Variants in NDUFA13 observed in about 807,000 individuals in gnomAD.
NDUFA13 encodes NADH:ubiquinone oxidoreductase subunit A13.
Under a neutral mutation model 17.0 loss-of-function variants are expected in NDUFA13, and 16 were observed. That is an observed-to-expected ratio of 0.94 (90% CI 0.64 to 1.43). NDUFA13 has a LOEUF of 1.43. NDUFA13 is among the 40% of genes most tolerant of loss of function. The pLI is 0.00. For synonymous variants in NDUFA13, 87 were observed against 78.4 expected (o/e 1.11, Z -0.58); for missense variants, 228 against 206.7 (o/e 1.10, Z -0.63).
At chr19:19,524,424 C>T (rs572473130) in intron 1 of NDUFA13, among the ~76,000 whole-genome samples, 11 of 152,294 alleles carry the variant, frequency 7.2e-5, no homozygotes, top group East Asian at 1.9e-4. Flanking sequence ...CGTATGAGTG[C>T]GCAGGTGTGA....
rs768392940 is a variant in NDUFA13 at position 19,516,335 on chromosome 19, C to A, written c.94+3C>A. 1 of 1,613,264 alleles carries A rather than the reference C, an allele frequency of 6.2e-7. No individual in the cohort carries two copies. Among genetic ancestry groups the A allele is most frequent in the African/African-American group, 1.3e-5 (1 of 75,022 alleles). On this transcript the variant is annotated splice_donor_region_variant and intron_variant, in intron 1 of 4. Coordinates refer to ENST00000507754, the MANE Select transcript of NDUFA13 (RefSeq NM_015965.7). Reference sequence around the variant, plus strand: ...CTTGCCGCGTCGAGGACTGTCGGGTCAGTATCACTCTGCGCCGGGGTCTCA... The same window carrying A: ...CTTGCCGCGTCGAGGACTGTCGGGTAAGTATCACTCTGCGCCGGGGTCTCA...
At chr19:19,519,587 G>A (rs1383016497) in intron 1 of NDUFA13, among the ~76,000 whole-genome samples, 1 of 152,220 alleles carries the variant, frequency 6.6e-6, no homozygotes, top group African/African-American at 2.4e-5. Flanking sequence ...TGAGCACATG[G>A]TTCCGGGCCC....
intron 1 of NDUFA13, among the ~76,000 whole-genome samples, chr19:19,524,772 C>CAACAGCCCAGCCAGTG (rs2061093154): frequency 6.6e-6 from 1 of 151,978 alleles, no homozygotes; most frequent in Non-Finnish European, 1.5e-5. Flanking sequence ...TGCCACTGCA[C>CAACAGCCCAGCCAGTG]CCCAGCCAGG....
chr19:19,516,945 G>T (rs1194368891), intron 1 of NDUFA13, among the ~76,000 whole-genome samples: 3 of 151,866 alleles, frequency 2.0e-5, no homozygotes, highest in Non-Finnish European at 4.4e-5. Flanking sequence ...GTGCCACAAC[G>T]CCTGGCTAAC....
chr19:19,517,061 AC>A (rs2061052878), intron 1 of NDUFA13, among the ~76,000 whole-genome samples: 1 of 152,178 alleles, frequency 6.6e-6, no homozygotes, highest in African/African-American at 2.4e-5. Flanking sequence ...TGCTGGGATT[AC>A]AGGCGTGAGC....
At chr19:19,516,725 C>A (rs1439153082) in intron 1 of NDUFA13, among the ~76,000 whole-genome samples, 1 of 152,234 alleles carries the variant, frequency 6.6e-6, no homozygotes, top group Non-Finnish European at 1.5e-5. Flanking sequence ...ATGTTCTATG[C>A]AGTGGTTCCC....
intron 1 of NDUFA13, among the ~76,000 whole-genome samples, chr19:19,522,080 G>A (rs2061080563): frequency 6.6e-6 from 1 of 152,010 alleles, no homozygotes. Flanking sequence ...AGAGGCAGGT[G>A]GATCACTTGA....
At chr19:19,526,296 C>A in intron 2 of NDUFA13, 36 bp downstream of exon 2, 1 of 1,609,406 alleles carries the variant, frequency 6.2e-7, no homozygotes, top group East Asian at 2.2e-5. Context: ...GAAAGTGCCC[C>A]CCCGGCGAGT....
intron 1 of NDUFA13, among the ~76,000 whole-genome samples, chr19:19,523,192 C>G (rs1182099665): frequency 6.6e-6 from 1 of 152,250 alleles, no homozygotes; most frequent in Non-Finnish European, 1.5e-5. Flanking sequence ...ATGGGGATTG[C>G]GTTTCAAATC....
At chr19:19,526,850 A>G (rs2061101860) in intron 2 of NDUFA13, 1 of 292,314 alleles carries the variant, frequency 3.4e-6, no homozygotes, top group Middle Eastern at 1.3e-3. Context: ...AAACTGCCAG[A>G]AAGCAGGGAG....
In NDUFA13 at chr19:19,527,612, G is replaced by T. The variant is rs1305485230; in HGVS notation, c.246-89G>T. The T allele has an allele frequency of 9.0e-6, 10 of 1,109,536 alleles. 1 individual carries two copies. The East Asian group carries it at 2.6e-4, about 29-fold the overall frequency. 68.7% of individuals were successfully genotyped at this position (1,109,536 alleles called of 1,614,324 possible). A position where few individuals can be genotyped will look rare whatever the true frequency, so the allele number is the denominator to read the frequency against. ...GGGGAAAAGGAGACAGGGTCGGAGG[G>T]AGGCTTGAAGGGGTGCTACTAGGGG... On this transcript the variant is annotated intron_variant, in intron 3 of 4. Coordinates refer to ENST00000507754, the MANE Select transcript of NDUFA13 (RefSeq NM_015965.7).
Position 19,527,590 on chromosome 19 carries a change from GA to G in NDUFA13, c.246-107del. On this transcript the variant is annotated intron_variant, in intron 3 of 4. Transcript: ENST00000507754. The stretch of plus-strand genomic sequence containing the variant: ...GAGAAAAGCTAGGAGTTGGCTGGGG[GA>G]AAAGGAGACAGGGTCGGAGGGAGGC... 5.9e-6 allele frequency: 6 copies of G among 1,012,386 alleles called. 1 individual carries two copies. Among genetic ancestry groups the G allele is most frequent in the African/African-American group, 1.6e-5 (1 of 62,404 alleles). 62.7% of individuals were successfully genotyped at this position (1,012,386 alleles called of 1,614,324 possible).
intron 2 of NDUFA13, 32 bp downstream of exon 2, chr19:19,526,292 G>C: frequency 6.2e-7 from 1 of 1,610,734 alleles, no homozygotes; most frequent in Non-Finnish European, 8.5e-7. Flanking sequence ...GTCTGAAAGT[G>C]CCCCCCCGGC....
rs71170693 is a variant in NDUFA13, at chr19:19,519,045, A to AT, written c.94+2730dup. 6.0e-3 allele frequency among the ~76,000 whole-genome samples: 684 copies of AT among 114,856 alleles called. 9 individuals are homozygous for AT. The highest frequency in any genetic ancestry group is 0.034 in the Middle Eastern group (7 of 208). 75.3% of individuals were successfully genotyped at this position (114,856 alleles called of 152,430 possible). A position where few individuals can be genotyped will look rare whatever the true frequency, so the allele number is the denominator to read the frequency against. On this transcript the variant is annotated intron_variant, in intron 1 of 4. Coordinates refer to ENST00000507754, the MANE Select transcript of NDUFA13 (RefSeq NM_015965.7). Reference sequence around the variant, plus strand: ...AGGTGTGAGCCACTGGGCCCGGCCTATTTTTTTTTTTTTTTTTGTATTTTT... The same window carrying AT: ...AGGTGTGAGCCACTGGGCCCGGCCTATTTTTTTTTTTTTTTTTTGTATTTTT...
intron 4 of NDUFA13, 79 bp from the exon 5 acceptor site, chr19:19,527,927 GC>G (rs1568360845): frequency 6.4e-6 from 10 of 1,556,180 alleles, no homozygotes; most frequent in Non-Finnish European, 7.9e-6. Context: ...ACGCACAGGG[GC>G]CACTGATCCT....
chr19:19,526,192 G>A lies in NDUFA13; in HGVS notation c.105G>A (p.Met35Ile), dbSNP rs1441396602. 6.2e-7 allele frequency: 1 copy of A among 1,613,928 alleles called. No homozygotes were observed. Among genetic ancestry groups the A allele is most frequent in the African/African-American group, 1.3e-5 (1 of 74,942 alleles). Residue 35 changes from methionine to isoleucine, a missense_variant, in exon 2 of 5, where the codon ATG (methionine) becomes ATA (isoleucine). Coordinates refer to ENST00000507754, the MANE Select transcript of NDUFA13 (RefSeq NM_015965.7). ...CGCCTCTCTTCACAGGCTACAGCAT[G>A]CTGGCCATAGGGATTGGAACCCTGA... ...LPRRGLSGYS[M>I]LAIGIGTLIY...
intron 3 of NDUFA13, 96 bp downstream of exon 3, chr19:19,527,448 TG>T (rs1179303692): frequency 9.8e-6 from 14 of 1,429,364 alleles, no homozygotes; most frequent in Admixed American, 1.7e-5. Flanking sequence ...AGAATGCACG[TG>T]GGGGCCATCG....
intron 2 of NDUFA13, chr19:19,526,845 G>T: frequency 3.4e-6 from 1 of 291,728 alleles, no homozygotes; most frequent in Non-Finnish European, 6.7e-6. Flanking sequence ...CTTGGAAACT[G>T]CCAGAAAGCA....
At chr19:19,526,093 C>A (rs778652267) in intron 1 of NDUFA13, 89 bp from the exon 2 acceptor site, 64 of 1,566,868 alleles carry the variant, frequency 4.1e-5, no homozygotes, top group Non-Finnish European at 5.2e-5. Flanking sequence ...CCGCCAGTGT[C>A]CCCTGATTGC....
Sources: gnomAD v4.1 joint callset for allele counts (sites outside exome capture counted in the v4.1 genomes callset) on GRCh38, gnomAD v4.1.1 for gene constraint, MANE v1.5 for transcripts, NCBI Gene and HGNC (gene_info 2026-07-23, HGNC 2026-07-21) for gene names.